WWP1: variants seen among roughly 807,000 people sequenced by gnomAD.
The protein encoded by WWP1 is WW domain containing E3 ubiquitin protein ligase 1, also known as NEDD4-like E3 ubiquitin-protein ligase WWP1.
Under a neutral mutation model 130.6 loss-of-function variants are expected in WWP1, and 49 were observed. The ratio of observed to expected loss-of-function variants is 0.38; its 90% CI spans 0.30 to 0.48. WWP1 has a LOEUF of 0.48. Ranked by LOEUF, WWP1 falls within the 20% of genes least tolerant of loss-of-function variation. WWP1 has a pLI of 0.99. For synonymous variants in WWP1, 332 were observed against 367.8 expected, an observed-to-expected ratio of 0.90 and a Z score of 1.11; for missense variants, 809 against 1,100.6, an observed-to-expected ratio of 0.74 and a Z score of 3.75.
At position 86,342,894 on chromosome 8, in the gene WWP1, G is replaced by A; in HGVS notation, c.-151G>A. On this transcript the variant is annotated 5_prime_UTR_variant, in exon 1 of 25. Transcript: ENST00000517970. ...CGCAGGAGGAGGTGCCGCTGCCGTG[G>A]CCGCCCGGCTGCCGGGAGCCGACAG... is the stretch of plus-strand genomic sequence containing the variant. 1 of 340,040 alleles carries A rather than the reference G, an allele frequency of 2.9e-6. No homozygotes were observed. The highest frequency in any genetic ancestry group is 5.3e-6 in the Non-Finnish European group (1 of 189,362). The allele number at this position is 340,040 out of a possible 1,614,324, so 21.1% of individuals were successfully genotyped here. A position where few individuals can be genotyped will look rare whatever the true frequency, so the allele number is the denominator to read the frequency against.
Position 86,398,461 on chromosome 8 carries a change from T to C in WWP1, c.454T>C (p.Cys152Arg). ...GATTGAGCAAGAAAATATAACAAAC[T>C]GCAGCTCATCTCCAACCAGTAAGCT... ...LVIEQENITNCSSSPTIEIQE... is the reference protein window; with the variant it reads ...LVIEQENITNRSSSPTIEIQE... Residue 152 changes from cysteine to arginine, a missense_variant, in exon 6 of 25, where the codon TGC (cysteine) becomes CGC (arginine). By Grantham distance (180) the Cys-to-Arg change is radical. Around this residue, in one of 3 missense-constraint regions of WWP1, gnomAD observed 262 missense variants for 346.0 expected, o/e 0.76. Coordinates refer to ENST00000517970, the MANE Select transcript of WWP1 (RefSeq NM_007013.4). 1 of 1,612,690 alleles carries C rather than the reference T, an allele frequency of 6.2e-7. No homozygotes were observed. The highest frequency in any genetic ancestry group is 8.5e-7 in the Non-Finnish European group (1 of 1,179,146).
intron 17 of WWP1, among the ~76,000 whole-genome samples, chr8:86,439,184 A>G (rs1810462114): frequency 6.6e-6 from 1 of 152,110 alleles, no homozygotes; most frequent in African/African-American, 2.4e-5. Flanking sequence ...TCTACTAAAA[A>G]TAAAAAAAAT....
intron 24 of WWP1, among the ~76,000 whole-genome samples, chr8:86,466,181 T>G (rs1648963041): frequency 1.3e-5 from 2 of 152,218 alleles, no homozygotes; most frequent in African/African-American, 4.8e-5. Flanking sequence ...TAATAGTTAT[T>G]TTAAGCATTT....
At chr8:86,424,072 C>G (rs1490722046) in intron 9 of WWP1, among the ~76,000 whole-genome samples, 1 of 150,456 alleles carries the variant, frequency 6.6e-6, no homozygotes, top group East Asian at 2.0e-4. Flanking sequence ...GGCGGAGGGG[C>G]TCCTCACTTC....
chr8:86,461,131 T>G, intron 22 of WWP1, 93 bp from the exon 23 acceptor site: 3 of 1,168,302 alleles, frequency 2.6e-6, no homozygotes, highest in Non-Finnish European at 3.7e-6. Context: ...TTTGAACCAA[T>G]TCAGTGTTAT....
intron 17 of WWP1, among the ~76,000 whole-genome samples, chr8:86,440,211 G>A (rs1295980803): frequency 6.6e-6 from 1 of 152,066 alleles, no homozygotes; most frequent in African/African-American, 2.4e-5. Context: ...GCCCTTATTT[G>A]CCTCAACTAT....
At chr8:86,425,164 A>G in intron 9 of WWP1, 59 bp from the exon 10 acceptor site, 2 of 1,406,932 alleles carry the variant, frequency 1.4e-6, no homozygotes, top group Admixed American at 2.1e-5. Context: ...AGGAAGAGTC[A>G]TTTTTAAGAT....
chr8:86,425,376 AATTT>A, intron 10 of WWP1, 58 bp downstream of exon 10: 2 of 1,369,304 alleles, frequency 1.5e-6, no homozygotes, highest in East Asian at 2.3e-5. Context: ...GTGGTTTTTA[AATTT>A]ATTTAGTACA....
intron 8 of WWP1, among the ~76,000 whole-genome samples, chr8:86,403,094 G>A (rs1027069542): frequency 1.3e-5 from 2 of 152,098 alleles, no homozygotes; most frequent in Admixed American, 1.3e-4. Flanking sequence ...ACTCTTTCAG[G>A]TGAGTCTCCT....
intron 3 of WWP1, among the ~76,000 whole-genome samples, chr8:86,375,187 T>C (rs1433862551): frequency 1.3e-5 from 2 of 152,230 alleles, no homozygotes; most frequent in Non-Finnish European, 1.5e-5. Flanking sequence ...AAGATTTCTT[T>C]GTGTGTTTTC....
intron 9 of WWP1, among the ~76,000 whole-genome samples, chr8:86,417,026 A>G (rs144931777): frequency 6.6e-6 from 1 of 152,256 alleles, no homozygotes; most frequent in East Asian, 1.9e-4. Flanking sequence ...CCTTGGACAC[A>G]TACCCTGGGA....
chr8:86,385,020 T>A, intron 5 of WWP1, among the ~76,000 whole-genome samples: 1 of 72,750 alleles, frequency 1.4e-5, no homozygotes. Flanking sequence ...TAAGACACTG[T>A]CTCAAAAAAA....
At chr8:86,440,568 A>G (rs1810537171) in intron 17 of WWP1, 1 of 396,220 alleles carries the variant, frequency 2.5e-6, no homozygotes, top group African/African-American at 2.1e-5. Context: ...GTGCCCACAC[A>G]GTCCTTTTTC....
chr8:86,441,310 G>A (rs949083359), intron 17 of WWP1, among the ~76,000 whole-genome samples: 2 of 152,170 alleles, frequency 1.3e-5, no homozygotes, highest in African/African-American at 4.8e-5. Context: ...CTACTACTAT[G>A]TTACAACTGG....
At chr8:86,360,210 A>G (rs1823511041) in intron 1 of WWP1, among the ~76,000 whole-genome samples, 1 of 151,598 alleles carries the variant, frequency 6.6e-6, no homozygotes, top group African/African-American at 2.4e-5. Flanking sequence ...TTTCTCTTTG[A>G]TAGTCAAAAT....
intron 20 of WWP1, 28 bp downstream of exon 20, chr8:86,448,541 AT>A: frequency 6.3e-7 from 1 of 1,599,096 alleles, no homozygotes. Context: ...ATTAAGCTTA[AT>A]TTCTAGAACA....
intron 7 of WWP1, among the ~76,000 whole-genome samples, chr8:86,399,369 T>A (rs1255373642): frequency 1.3e-5 from 2 of 152,162 alleles, no homozygotes; most frequent in Admixed American, 6.6e-5. Context: ...TTCATGACAA[T>A]TAATAGAGGT....
chr8:86,455,078 C>T (rs1019681025), intron 21 of WWP1, among the ~76,000 whole-genome samples: 3 of 151,868 alleles, frequency 2.0e-5, no homozygotes, highest in Admixed American at 6.6e-5. Flanking sequence ...ATAGTCACAC[C>T]GCCCTTTTAT....
chr8:86,383,750 A>G (rs1563483802), intron 5 of WWP1, among the ~76,000 whole-genome samples: 2 of 152,178 alleles, frequency 1.3e-5, no homozygotes, highest in Non-Finnish European at 2.9e-5. Flanking sequence ...TCAAAAAATA[A>G]CTAAATAAAT....
Sources: gnomAD v4.1 joint callset for allele counts (sites outside exome capture counted in the v4.1 genomes callset) on GRCh38, gnomAD v4.1.1 for gene constraint, gnomAD v4.1.1 regional missense constraint, MANE v1.5 for transcripts, NCBI Gene and HGNC (gene_info 2026-07-23, HGNC 2026-07-21) for gene names.